Variants in CNNM2 observed in about 807,000 individuals in gnomAD.
The protein encoded by CNNM2 is cyclin and CBS domain divalent metal cation transport mediator 2.
Under a neutral mutation model 66.9 loss-of-function variants are expected in CNNM2, and 12 were observed. The observed-to-expected ratio is 0.18, with a 90% CI of 0.11 to 0.29. The LOEUF (loss-of-function observed/expected upper bound fraction) is 0.29. CNNM2 is among the 10% of genes least tolerant of loss of function. The probability of loss-of-function intolerance (pLI) is 1.00; values close to 1 mark genes in which losing one functional copy is unlikely to be tolerated. For missense variants in CNNM2, 705 were observed against 1,167.7 expected (o/e 0.60, Z 5.77); for synonymous variants, 557 against 501.8 (o/e 1.11, Z -1.47).
At position 102,919,112 on chromosome 10, in the gene CNNM2, C is replaced by T; in HGVS notation, c.632C>T (p.Ala211Val). The change falls in exon 1 of 8, where the codon GCC becomes GTC. Residue 211 changes from alanine (A) to valine (V), a missense_variant. By Grantham distance (64) the Ala-to-Val change is moderately conservative. Transcript: ENST00000369878. ...GGCGGCTCGGGGTCCACGGGTGGCG[C>T]CGTCGGGGGCAAGGGTGGCTCGGGG... Reference protein sequence around the residue: ...GAGGSGSTGGAVGGKGGSGVA... With the variant: ...GAGGSGSTGGVVGGKGGSGVA... The T allele has an allele frequency of 5.6e-6, 9 of 1,610,686 alleles. No homozygotes were observed. Among genetic ancestry groups the T allele is most frequent in the Non-Finnish European group, 7.6e-6 (9 of 1,179,020 alleles).
Position 102,929,446 on chromosome 10 carries a change from T to A in CNNM2, c.1621+9345T>A, listed in dbSNP as rs4919693. ...TGACAGAGCAAGAGCATGTCTTTTT[T>A]AAAAAAAAAAAAAAAAAGTGACTAG... is the stretch of plus-strand genomic sequence containing the variant. On this transcript the variant is annotated intron_variant, in intron 1 of 7. Coordinates refer to ENST00000369878, the MANE Select transcript of CNNM2 (RefSeq NM_017649.5). Among the ~76,000 whole-genome samples the A allele has an allele frequency of 0.23, 28,560 of 125,710 alleles. 2,813 individuals are homozygous for A. Among genetic ancestry groups the A allele is most frequent in the Admixed American group, 0.31 (4,143 of 13,430 alleles). 82.5% of individuals were successfully genotyped at this position (125,710 alleles called of 152,430 possible). A position where few individuals can be genotyped will look rare whatever the true frequency, so the allele number is the denominator to read the frequency against.
At position 103,080,676 on chromosome 10, in the gene CNNM2, C is replaced by T. The variant is rs7901197; in HGVS notation, c.*3496C>T. On this transcript the variant is annotated 3_prime_UTR_variant, in exon 8 of 8. Transcript: ENST00000369878. The stretch of plus-strand genomic sequence containing the variant: ...TTGAATGCAGAGCTTCACACTAATA[C>T]GGAACAGTAACTGTGAGTATATTTA... The T allele has an allele frequency of 0.31, 47,262 of 152,050 alleles. 7,500 individuals carry two copies. Among genetic ancestry groups the T allele is most frequent in the Middle Eastern group, 0.36 (106 of 294 alleles). The allele number at this position is 152,050 out of a possible 1,614,324, so 9.4% of individuals were successfully genotyped here.
chr10:103,042,272 C>T (rs775806324), intron 1 of CNNM2, among the ~76,000 whole-genome samples: 2 of 152,166 alleles, frequency 1.3e-5, no homozygotes, highest in East Asian at 1.9e-4. Flanking sequence ...CCATTGCTCC[C>T]GGGCCCACCA....
chr10:103,077,699 G>A lies in CNNM2; in HGVS notation c.*519G>A, dbSNP rs746759097. On this transcript the variant is annotated 3_prime_UTR_variant, in exon 8 of 8. Transcript: ENST00000369878. ...CCTCTGTGCCCCAGTGGGCATCACC[G>A]TCGATCTCGCTGGCTGAATGAAGAA... 6.1e-4 allele frequency: 97 copies of A among 157,874 alleles called. No homozygotes were observed. The highest frequency in any genetic ancestry group is 3.4e-3 in the Middle Eastern group (1 of 298). 9.8% of individuals were successfully genotyped at this position (157,874 alleles called of 1,614,324 possible).
At chr10:103,023,091 G>C (rs964207796) in intron 1 of CNNM2, among the ~76,000 whole-genome samples, 5 of 152,094 alleles carry the variant, frequency 3.3e-5, no homozygotes, top group African/African-American at 4.8e-5. Context: ...TTTTAGTAGG[G>C]AGGGCGCTTC....
chr10:102,984,057 G>T (rs1275030271), intron 1 of CNNM2, among the ~76,000 whole-genome samples: 2 of 152,176 alleles, frequency 1.3e-5, no homozygotes, highest in Non-Finnish European at 2.9e-5. Flanking sequence ...TGCCTGGCCA[G>T]ATTGTAAATT....
At chr10:102,932,065 A>G (rs1263592088) in intron 1 of CNNM2, among the ~76,000 whole-genome samples, 1 of 152,076 alleles carries the variant, frequency 6.6e-6, no homozygotes, top group Non-Finnish European at 1.5e-5. Flanking sequence ...TTCTTTTTAT[A>G]TTCTGGATAC....
intron 1 of CNNM2, among the ~76,000 whole-genome samples, chr10:102,955,786 A>G (rs969627178): frequency 3.4e-4 from 51 of 152,170 alleles, no homozygotes; most frequent in African/African-American, 1.2e-3. Flanking sequence ...GCTCATCATC[A>G]CTGGTCATCA....
In CNNM2 at chr10:102,927,342, C is replaced by G. The variant is rs373996555; in HGVS notation, c.1621+7241C>G. ...TCTTTTCATCTCTTTTTGTTTTTCT[C>G]AGAACACACAAACAAGAAACCCAAA... On this transcript the variant is annotated intron_variant, in intron 1 of 7. Transcript: ENST00000369878. The G allele has an allele frequency of 2.1e-5, 34 of 1,613,552 alleles. No homozygotes were observed. The African/African-American group carries it at 3.9e-4, about 18-fold the overall frequency.
At chr10:102,974,686 A>ACTGT in intron 1 of CNNM2, among the ~76,000 whole-genome samples, 1 of 152,008 alleles carries the variant, frequency 6.6e-6, no homozygotes, top group Admixed American at 6.5e-5. Flanking sequence ...GGTACACACT[A>ACTGT]CTGTGCCTGG....
rs34401079 is a variant in CNNM2, at chr10:103,028,828, C to CT, written c.1622-20865dup. Among the ~76,000 whole-genome samples, 334 of 99,192 alleles carry CT rather than the reference C, an allele frequency of 3.4e-3. 4 individuals are homozygous for CT. Among genetic ancestry groups the CT allele is most frequent in the South Asian group, 0.029 (78 of 2,652 alleles). The allele number at this position is 99,192 out of a possible 152,430, so 65.1% of individuals were successfully genotyped here. ...TTTTTCTTTTTCTTTTTTTTTTTTT[C>CT]TTTTTTTTTTTTTTGAGACAGTCTC... On this transcript the variant is annotated intron_variant, in intron 1 of 7. Coordinates refer to ENST00000369878, the MANE Select transcript of CNNM2 (RefSeq NM_017649.5).
intron 1 of CNNM2, among the ~76,000 whole-genome samples, chr10:103,023,808 T>C (rs1335919044): frequency 2.6e-5 from 4 of 152,222 alleles, no homozygotes; most frequent in Admixed American, 6.5e-5. Context: ...AAAACAAATT[T>C]GCAATCATTT....
chr10:103,089,536 C>A lies in CNNM2; in HGVS notation c.*12356C>A. ...AAACAAGTATCTATGATAATAAAAT[C>A]TTCAGAAACTTTTCAGACGTACCTT... On this transcript the variant is annotated 3_prime_UTR_variant, in exon 8 of 8. Coordinates refer to ENST00000369878, the MANE Select transcript of CNNM2 (RefSeq NM_017649.5). 3 of 1,402,476 alleles carry A rather than the reference C, an allele frequency of 2.1e-6. No homozygotes were observed. Among genetic ancestry groups the A allele is most frequent in the Non-Finnish European group, 2.8e-6 (3 of 1,069,756 alleles). The allele number at this position is 1,402,476 out of a possible 1,614,324, so 86.9% of individuals were successfully genotyped here.
intron 1 of CNNM2, among the ~76,000 whole-genome samples, chr10:102,979,592 G>A (rs1200855554): frequency 5.3e-5 from 8 of 151,932 alleles, no homozygotes; most frequent in Admixed American, 5.2e-4. Context: ...TTGTCTCCCC[G>A]CCACCCACCA....
At chr10:103,068,577 G>A (rs989541898) in intron 4 of CNNM2, 52 bp from the exon 5 acceptor site, 1 of 1,383,492 alleles carries the variant, frequency 7.2e-7, no homozygotes, top group African/African-American at 1.4e-5. Flanking sequence ...TACAGAGTGT[G>A]CCAGTAGGCT....
chr10:103,039,293 T>A (rs1400763385), intron 1 of CNNM2, among the ~76,000 whole-genome samples: 1 of 152,072 alleles, frequency 6.6e-6, no homozygotes, highest in Non-Finnish European at 1.5e-5. Flanking sequence ...TGCACCACCA[T>A]GCCTGGCTAA....
At position 103,088,078 on chromosome 10, in the gene CNNM2, CTGA is replaced by C. The variant is rs1291572488; in HGVS notation, c.*10901_*10903del. ...TTATTTCCTTTAAGAGAATATCAAACTGATGTCACCAAATCTAAACCCACTTGA... is the reference window on the plus strand; with the variant it reads ...TTATTTCCTTTAAGAGAATATCAAACTGTCACCAAATCTAAACCCACTTGA... On this transcript the variant is annotated 3_prime_UTR_variant, in exon 8 of 8. Transcript: ENST00000369878. 1 of 152,166 alleles carries C rather than the reference CTGA, an allele frequency of 6.6e-6. No homozygotes were observed. The highest frequency in any genetic ancestry group is 1.5e-5 in the Non-Finnish European group (1 of 68,038). 9.4% of individuals were successfully genotyped at this position (152,166 alleles called of 1,614,324 possible).
chr10:102,918,599 T>A lies in CNNM2; in HGVS notation c.119T>A (p.Ile40Asn). The A allele has an allele frequency of 6.4e-7, 1 of 1,561,874 alleles. No homozygotes were observed. The highest frequency in any genetic ancestry group is 8.6e-7 in the Non-Finnish European group (1 of 1,156,824). The stretch of plus-strand genomic sequence containing the variant: ...AGCCTCAGCGCTCGCGGCCGGGGGA[T>A]CCTGCAGGCGGCTGCGGGGCGGCTG... ...RRSLSARGRGILQAAAGRLLP... is the reference protein window; with the variant it reads ...RRSLSARGRGNLQAAAGRLLP... The change falls in exon 1 of 8, where the codon ATC becomes AAC. Residue 40 changes from isoleucine (I) to asparagine (N), a missense_variant. Transcript: ENST00000369878. This position sits in a 1 kb window ranked among gnomAD's most constrained non-coding sequence, Gnocchi z 4.1.
intron 1 of CNNM2, among the ~76,000 whole-genome samples, chr10:103,037,913 C>G (rs2064970890): frequency 6.6e-6 from 1 of 151,994 alleles, no homozygotes; most frequent in Non-Finnish European, 1.5e-5. Flanking sequence ...AATCTTGGCT[C>G]ACTGCAACCT....
Sources: gnomAD v4.1 joint callset for allele counts (sites outside exome capture counted in the v4.1 genomes callset) on GRCh38, gnomAD v4.1.1 for gene constraint, Gnocchi (gnomAD v3.1) non-coding constraint, MANE v1.5 for transcripts, NCBI Gene and HGNC (gene_info 2026-07-23, HGNC 2026-07-21) for gene names.